The following CSRNP3 variants were observed in gnomAD, a reference collection of about 807,000 sequenced individuals.
CSRNP3 encodes the protein cysteine and serine rich nuclear protein 3.
Under a neutral mutation model 48.0 loss-of-function variants are expected in CSRNP3, and 12 were observed. The ratio of observed to expected loss-of-function variants is 0.25; its 90% CI spans 0.16 to 0.41. The LOEUF is 0.41. Among genes scored for constraint, CSRNP3 ranks in the 10% least tolerant of loss-of-function variants. The probability of loss-of-function intolerance (pLI) is 1.00; values close to 1 mark genes in which losing one functional copy is unlikely to be tolerated. For synonymous variants in CSRNP3, 263 were observed against 269.7 expected, an observed-to-expected ratio of 0.98 and a Z score of 0.24; for missense variants, 580 against 724.4, an observed-to-expected ratio of 0.80 and a Z score of 2.29.
In CSRNP3 at chr2:165,676,297, G is replaced by T; in HGVS notation, c.409-15G>T. Reference sequence around the variant, plus strand: ...GCCCTTAATGAGTCTCTTATTTGCTGCTTTGTGTTTTTAGATGACTAAGAA... The same window carrying T: ...GCCCTTAATGAGTCTCTTATTTGCTTCTTTGTGTTTTTAGATGACTAAGAA... On this transcript the variant is annotated splice_polypyrimidine_tract_variant and intron_variant, in intron 5 of 6. Coordinates refer to ENST00000651982, the MANE Select transcript of CSRNP3 (RefSeq NM_001172173.2). The T allele has an allele frequency of 6.2e-7, 1 of 1,608,724 alleles. No homozygotes were observed. Among genetic ancestry groups the T allele is most frequent in the Non-Finnish European group, 8.5e-7 (1 of 1,176,494 alleles).
chr2:165,573,177 T>G (rs1476335201), intron 3 of CSRNP3, among the ~76,000 whole-genome samples: 4 of 152,114 alleles, frequency 2.6e-5, no homozygotes, highest in Non-Finnish European at 5.9e-5. Context: ...TGCTTTTAAT[T>G]TTTCATGTTA....
intron 4 of CSRNP3, among the ~76,000 whole-genome samples, chr2:165,606,773 A>G (rs1377670598): frequency 1.3e-5 from 2 of 152,186 alleles, no homozygotes; most frequent in African/African-American, 4.8e-5. Flanking sequence ...AGTGAAATAT[A>G]CAAGTTTCAA....
chr2:165,512,975 C>T (rs956165976), intron 2 of CSRNP3, among the ~76,000 whole-genome samples: 30 of 152,000 alleles, frequency 2.0e-4, no homozygotes, highest in African/African-American at 6.8e-4. Context: ...CGTGGTGGCA[C>T]GCGCCTGTAG....
At chr2:165,668,401 C>CTTTTTTTTTTTTTTTT (rs71393687) in intron 5 of CSRNP3, among the ~76,000 whole-genome samples, 6 of 111,506 alleles carry the variant, frequency 5.4e-5, no homozygotes, top group African/African-American at 1.4e-4. Flanking sequence ...TTCTTTCTTT[C>CTTTTTTTTTTTTTTTT]TTTTTTTTTT....
intron 5 of CSRNP3, among the ~76,000 whole-genome samples, chr2:165,661,893 A>G (rs1235177285): frequency 2.0e-5 from 3 of 152,152 alleles, no homozygotes; most frequent in African/African-American, 4.8e-5. Flanking sequence ...ACTCAGAGCT[A>G]GATAGTTTTC....
chr2:165,581,906 G>A (rs188253527), intron 3 of CSRNP3, among the ~76,000 whole-genome samples: 37 of 152,244 alleles, frequency 2.4e-4, no homozygotes, highest in African/African-American at 8.2e-4. Flanking sequence ...TATGCCACTT[G>A]TTAGTAGCTG....
chr2:165,599,072 A>G (rs2105298645), intron 4 of CSRNP3, among the ~76,000 whole-genome samples: 1 of 151,696 alleles, frequency 6.6e-6, no homozygotes, highest in Non-Finnish European at 1.5e-5. Context: ...CCATCTCTAA[A>G]AAAATTAAAA....
chr2:165,662,843 T>C (rs755951408), intron 5 of CSRNP3, among the ~76,000 whole-genome samples: 6 of 152,328 alleles, frequency 3.9e-5, no homozygotes, highest in South Asian at 4.1e-4. Flanking sequence ...CCATTTCTAA[T>C]TGCTTTTCAG....
intron 1 of CSRNP3, among the ~76,000 whole-genome samples, chr2:165,470,968 G>T (rs1049285525): frequency 2.6e-5 from 4 of 151,456 alleles, no homozygotes; most frequent in Admixed American, 2.6e-4. Context: ...TTTTGCTATT[G>T]TTTTTCTTTT....
intron 3 of CSRNP3, among the ~76,000 whole-genome samples, chr2:165,560,947 A>G (rs1276038560): frequency 1.3e-5 from 2 of 152,184 alleles, no homozygotes; most frequent in Non-Finnish European, 2.9e-5. Flanking sequence ...GAAGCAAAAA[A>G]ATGCTATTAC....
chr2:165,684,739 T>C lies in CSRNP3; in HGVS notation c.*4986T>C, dbSNP rs1687602936. The stretch of plus-strand genomic sequence containing the variant: ...TAGTAAAGAATTTGATTGACTTAAT[T>C]GAATATCAGCAATTTTAATACCCAC... On this transcript the variant is annotated 3_prime_UTR_variant, in exon 7 of 7. Transcript: ENST00000651982. 2 of 152,062 alleles carry C rather than the reference T, an allele frequency of 1.3e-5. No individual in the cohort carries two copies. The highest frequency in any genetic ancestry group is 2.9e-5 in the Non-Finnish European group (2 of 67,992). 9.4% of individuals were successfully genotyped at this position (152,062 alleles called of 1,614,324 possible). A position where few individuals can be genotyped will look rare whatever the true frequency, so the allele number is the denominator to read the frequency against.
At chr2:165,553,905 C>T (rs1416462164) in intron 3 of CSRNP3, among the ~76,000 whole-genome samples, 1 of 152,150 alleles carries the variant, frequency 6.6e-6, no homozygotes, top group African/African-American at 2.4e-5. Context: ...TTTCCTTCCC[C>T]CATGTTACCT....
At chr2:165,592,824 C>T (rs1198565037) in intron 3 of CSRNP3, among the ~76,000 whole-genome samples, 24 of 101,184 alleles carry the variant, frequency 2.4e-4, no homozygotes, top group East Asian at 1.5e-3. Context: ...TTTTTTGAGA[C>T]GGAGTCTCGC....
intron 4 of CSRNP3, among the ~76,000 whole-genome samples, chr2:165,641,145 A>G (rs1686715824): frequency 6.6e-6 from 1 of 152,222 alleles, no homozygotes; most frequent in Admixed American, 6.5e-5. Context: ...ATGTATAAAT[A>G]ATGGAAACCT....
intron 4 of CSRNP3, among the ~76,000 whole-genome samples, chr2:165,621,986 A>G (rs1362289337): frequency 6.6e-6 from 1 of 152,164 alleles, no homozygotes; most frequent in Non-Finnish European, 1.5e-5. Flanking sequence ...CCCTACTCTC[A>G]CAAATGGCAG....
chr2:165,580,746 C>T (rs1193153122), intron 3 of CSRNP3, among the ~76,000 whole-genome samples: 2 of 152,020 alleles, frequency 1.3e-5, no homozygotes, highest in Non-Finnish European at 2.9e-5. Flanking sequence ...GTTATTCAAT[C>T]AGAAACTTTC....
chr2:165,550,958 C>A (rs1404512033), intron 3 of CSRNP3, among the ~76,000 whole-genome samples: 1 of 152,164 alleles, frequency 6.6e-6, no homozygotes, highest in Non-Finnish European at 1.5e-5. Context: ...CTCCACCTCC[C>A]CTTCCAAAGA....
intron 3 of CSRNP3, among the ~76,000 whole-genome samples, chr2:165,569,353 G>A (rs1025420823): frequency 6.6e-6 from 1 of 152,060 alleles, no homozygotes; most frequent in Admixed American, 6.6e-5. Context: ...TCATGCAGTA[G>A]AATGTTCAAG....
Position 165,673,918 on chromosome 2 carries a change from G to A in CSRNP3, c.409-2394G>A, listed in dbSNP as rs896058234. 2.7e-4 allele frequency among the ~76,000 whole-genome samples: 41 copies of A among 152,228 alleles called. 1 individual carries two copies. The highest frequency in any genetic ancestry group is 2.7e-3 in the Admixed American group (41 of 15,292). ...CGCCTGTAATCCCAGCTACTCAGGAGGCTGAGGCAGGAGAATCACTTGAAC... is the reference window on the plus strand; with the variant it reads ...CGCCTGTAATCCCAGCTACTCAGGAAGCTGAGGCAGGAGAATCACTTGAAC... On this transcript the variant is annotated intron_variant, in intron 5 of 6. Coordinates refer to ENST00000651982, the MANE Select transcript of CSRNP3 (RefSeq NM_001172173.2).
Sources: gnomAD v4.1 joint callset for allele counts (sites outside exome capture counted in the v4.1 genomes callset) on GRCh38, gnomAD v4.1.1 for gene constraint, MANE v1.5 for transcripts, NCBI Gene and HGNC (gene_info 2026-07-23, HGNC 2026-07-21) for gene names.